The following PAG1 variants were observed in gnomAD, a reference collection of about 807,000 sequenced individuals.
PAG1 encodes phosphoprotein membrane anchor with glycosphingolipid microdomains 1.
In PAG1, 23 loss-of-function variants were observed where a neutral mutation model predicts 31.7. The observed-to-expected ratio is 0.73, with a 90% CI of 0.52 to 1.03. The LOEUF (loss-of-function observed/expected upper bound fraction) is 1.03, where lower values mean the gene tolerates loss of function less well. PAG1 is among the 50% of genes least tolerant of loss of function. PAG1 has a pLI of 0.00. For synonymous variants in PAG1, 214 were observed against 210.3 expected, an observed-to-expected ratio of 1.02 and a Z score of -0.15; for missense variants, 473 against 540.7, an observed-to-expected ratio of 0.87 and a Z score of 1.24.
intron 1 of PAG1, among the ~76,000 whole-genome samples, chr8:81,087,231 T>TAG (rs772147931): frequency 8.6e-5 from 13 of 151,310 alleles, no homozygotes; most frequent in Non-Finnish European, 1.8e-4. Flanking sequence ...TAATCCCAGC[T>TAG]ATTCTGGAGG....
At chr8:81,047,312 A>C (rs2130861642) in intron 2 of PAG1, among the ~76,000 whole-genome samples, 1 of 152,350 alleles carries the variant, frequency 6.6e-6, no homozygotes, top group African/African-American at 2.4e-5. Context: ...TCCCACCAAC[A>C]GTGGAAAAGC....
Position 80,968,607 on chromosome 8 carries a change from T to G in PAG1, c.*7937A>C, listed in dbSNP as rs1807012125. 1 of 152,216 alleles carries G rather than the reference T, an allele frequency of 6.6e-6. No homozygotes were observed. Among genetic ancestry groups the G allele is most frequent in the Non-Finnish European group, 1.5e-5 (1 of 68,030 alleles). 9.4% of individuals were successfully genotyped at this position (152,216 alleles called of 1,614,324 possible). A position where few individuals can be genotyped will look rare whatever the true frequency, so the allele number is the denominator to read the frequency against. On this transcript the variant is annotated 3_prime_UTR_variant, in exon 9 of 9. Transcript: ENST00000220597. ...GCTACACTCTTCTAGAAAGTGCTTA[T>G]GGAAATGTTTATTTTAATATGAGGA...
intron 2 of PAG1, among the ~76,000 whole-genome samples, chr8:81,032,752 A>G (rs1808397246): frequency 6.6e-6 from 1 of 152,262 alleles, no homozygotes; most frequent in Non-Finnish European, 1.5e-5. Context: ...CTATACGTCC[A>G]CACAAAAACT....
At chr8:80,981,862 CTTTTT>C (rs57438015) in intron 7 of PAG1, among the ~76,000 whole-genome samples, 1,139 of 103,382 alleles carry the variant, frequency 0.011, 4 homozygotes, top group Middle Eastern at 0.017. Context: ...ATCTCACTTC[CTTTTT>C]TTTTTTTTTT....
chr8:81,023,294 A>G (rs1808219506), intron 3 of PAG1, among the ~76,000 whole-genome samples: 1 of 152,142 alleles, frequency 6.6e-6, no homozygotes, highest in Non-Finnish European at 1.5e-5. Flanking sequence ...AATTTTTGAA[A>G]TGACAAATTT....
chr8:81,094,729 C>T (rs1185159808), intron 1 of PAG1, among the ~76,000 whole-genome samples: 6 of 152,052 alleles, frequency 3.9e-5, no homozygotes, highest in Admixed American at 3.3e-4. Flanking sequence ...TGGTTCTATC[C>T]CAAGATGGGA....
At chr8:81,101,128 A>C (rs1362274604) in intron 1 of PAG1, among the ~76,000 whole-genome samples, 1 of 152,244 alleles carries the variant, frequency 6.6e-6, no homozygotes, top group Admixed American at 6.5e-5. Flanking sequence ...AGTTTAGTAC[A>C]TCAGTGTTAT....
chr8:81,028,546 A>G (rs979902167), intron 3 of PAG1, among the ~76,000 whole-genome samples: 2 of 152,242 alleles, frequency 1.3e-5, no homozygotes, highest in African/African-American at 4.8e-5. Context: ...GGATAGGCAT[A>G]CTGCATCTTA....
intron 1 of PAG1, among the ~76,000 whole-genome samples, chr8:81,077,998 A>AAATCC (rs1809205683): frequency 6.6e-6 from 1 of 152,222 alleles, no homozygotes; most frequent in Non-Finnish European, 1.5e-5. Flanking sequence ...AGATCAATAA[A>AAATCC]AATCCATAAA....
intron 2 of PAG1, among the ~76,000 whole-genome samples, chr8:81,030,350 G>C (rs1350711101): frequency 3.3e-5 from 5 of 152,176 alleles, no homozygotes; most frequent in Admixed American, 2.6e-4. Context: ...AGCCACGTAA[G>C]TGTCTAATCA....
chr8:81,058,382 A>G (rs1304217218), intron 2 of PAG1: 1 of 152,240 alleles, frequency 6.6e-6, no homozygotes, highest in African/African-American at 2.4e-5. Context: ...GGTAATAAAA[A>G]CTGATACTAT....
chr8:81,008,548 A>G, intron 3 of PAG1, among the ~76,000 whole-genome samples: 1 of 148,382 alleles, frequency 6.7e-6, no homozygotes, highest in Middle Eastern at 3.6e-3. Flanking sequence ...AATACTACAT[A>G]TTATATACTA....
intron 4 of PAG1, 64 bp downstream of exon 4, chr8:80,993,039 A>C: frequency 7.0e-7 from 1 of 1,436,070 alleles, no homozygotes; most frequent in Non-Finnish European, 9.4e-7. Flanking sequence ...CTTTCCACAG[A>C]AACTCTTCTG....
At chr8:80,977,080 C>A (rs570023737) in intron 8 of PAG1, among the ~76,000 whole-genome samples, 174 bp from the exon 9 acceptor site, 2 of 152,184 alleles carry the variant, frequency 1.3e-5, no homozygotes, top group Non-Finnish European at 2.9e-5. Context: ...TAATTACACA[C>A]ACTATCTTCA....
intron 1 of PAG1, among the ~76,000 whole-genome samples, chr8:81,094,676 A>G (rs1258105678): frequency 6.6e-6 from 1 of 152,224 alleles, no homozygotes; most frequent in Non-Finnish European, 1.5e-5. Flanking sequence ...AAAAAAAATT[A>G]AACTTCTTCA....
intron 3 of PAG1, among the ~76,000 whole-genome samples, chr8:81,011,201 G>A (rs1586163609): frequency 1.3e-5 from 2 of 152,230 alleles, no homozygotes; most frequent in African/African-American, 4.8e-5. Context: ...TATAACTAAG[G>A]CACTGATATG....
chr8:80,991,015 G>C (rs1381356708), intron 5 of PAG1, among the ~76,000 whole-genome samples: 1 of 152,140 alleles, frequency 6.6e-6, no homozygotes, highest in African/African-American at 2.4e-5. Flanking sequence ...GAAACACAGA[G>C]GTCACCATAG....
chr8:81,066,240 T>C (rs551922910), intron 2 of PAG1, among the ~76,000 whole-genome samples: 3 of 152,330 alleles, frequency 2.0e-5, no homozygotes, highest in African/African-American at 7.2e-5. Context: ...TGTATTTAGG[T>C]CCATTTGCAA....
intron 2 of PAG1, among the ~76,000 whole-genome samples, chr8:81,059,921 G>A (rs1808890644): frequency 6.6e-6 from 1 of 151,946 alleles, no homozygotes; most frequent in African/African-American, 2.4e-5. Flanking sequence ...GGGGGGCTGA[G>A]GTAGGAAGAT....
Sources: allele counts gnomAD v4.1 joint callset (sites outside exome capture counted in the v4.1 genomes callset), GRCh38; gene constraint gnomAD v4.1.1; transcripts MANE v1.5; gene names NCBI Gene and HGNC (gene_info 2026-07-23, HGNC 2026-07-21).